The following DNAH14 variants were observed in gnomAD, a reference collection of about 807,000 sequenced individuals.
The protein encoded by DNAH14 is dynein axonemal heavy chain 14.
In DNAH14, 478 loss-of-function variants were observed where a neutral mutation model predicts 520.9. The observed-to-expected ratio is 0.92, with a 90% CI of 0.85 to 0.99. The LOEUF is 0.99. Among genes scored for constraint, DNAH14 ranks in the 50% least tolerant of loss-of-function variants. The pLI, the probability that DNAH14 is intolerant of heterozygous loss-of-function variation, is 0.00. For synonymous variants in DNAH14, 1,581 were observed against 1,757.2 expected (o/e 0.90, Z 2.51); for missense variants, 4,831 against 5,234.5 (o/e 0.92, Z 2.38).
At chr1:225,138,404 G>A (rs1032560924) in intron 27 of DNAH14, among the ~76,000 whole-genome samples, 1 of 152,214 alleles carries the variant, frequency 6.6e-6, no homozygotes, top group Non-Finnish European at 1.5e-5. Context: ...GGGATTCCAA[G>A]CCAGTGGGTC....
chr1:225,355,729 T>C (rs977520579), intron 73 of DNAH14, among the ~76,000 whole-genome samples: 3 of 152,214 alleles, frequency 2.0e-5, no homozygotes, highest in African/African-American at 7.2e-5. Context: ...TGATAAAATA[T>C]AGATACATTA....
intron 27 of DNAH14, among the ~76,000 whole-genome samples, chr1:225,138,432 A>G (rs1448249241): frequency 2.0e-5 from 3 of 152,228 alleles, no homozygotes; most frequent in Non-Finnish European, 4.4e-5. Flanking sequence ...GTGAGGTGCC[A>G]TGGAAGTGAG....
chr1:225,292,449 T>C (rs2093914395), intron 55 of DNAH14, among the ~76,000 whole-genome samples: 1 of 152,140 alleles, frequency 6.6e-6, no homozygotes, highest in African/African-American at 2.4e-5. Context: ...TTCTATTCCA[T>C]TGGTCTATGT....
chr1:225,143,176 AG>A (rs1297371016), intron 28 of DNAH14, among the ~76,000 whole-genome samples: 2 of 152,096 alleles, frequency 1.3e-5, no homozygotes, highest in African/African-American at 4.8e-5. Context: ...CTGTGTTCTA[AG>A]GGAACACTAA....
At chr1:225,355,972 T>C (rs2095424536) in intron 73 of DNAH14, among the ~76,000 whole-genome samples, 1 of 152,188 alleles carries the variant, frequency 6.6e-6, no homozygotes, top group Admixed American at 6.5e-5. Flanking sequence ...ATGTCTGGCT[T>C]ATTTCACATA....
In DNAH14 at chr1:224,960,223, G is replaced by T. The variant is rs2060758885; in HGVS notation, c.288G>T (p.Gly96=). 1.2e-6 allele frequency: 2 copies of T among 1,611,508 alleles called. No homozygotes were observed. ...AGCCAGCTTCCCTTAAGGAGAAAGG[G>T]AAGTCAAGGAGAAAAAAGGATCAAA... The part of the protein sequence containing the change: ...SPEPASLKEK[G]KSRRKKDQTH... The change falls in exon 4 of 86, where the codon GGG becomes GGT. Residue 96 remains glycine (G), a synonymous_variant. Coordinates refer to ENST00000682510, the MANE Select transcript of DNAH14 (RefSeq NM_001367479.1).
intron 44 of DNAH14, among the ~76,000 whole-genome samples, chr1:225,252,935 G>C (rs2092609228): frequency 6.6e-6 from 1 of 152,126 alleles, no homozygotes; most frequent in Non-Finnish European, 1.5e-5. Context: ...GTAGAAATTT[G>C]AGGCAGAGGC....
intron 3 of DNAH14, among the ~76,000 whole-genome samples, chr1:224,957,964 A>G (rs1239308775): frequency 6.6e-6 from 1 of 152,124 alleles, no homozygotes; most frequent in Non-Finnish European, 1.5e-5. Context: ...GGAGTAGTTA[A>G]TAGTGTAGGC....
intron 36 of DNAH14, among the ~76,000 whole-genome samples, chr1:225,178,193 A>G (rs1291999524): frequency 5.3e-5 from 8 of 152,168 alleles, no homozygotes; most frequent in African/African-American, 9.7e-5. Flanking sequence ...CAATGTCTCC[A>G]TTTGGAATGG....
intron 43 of DNAH14, among the ~76,000 whole-genome samples, chr1:225,245,065 T>G (rs1411961861): frequency 6.6e-6 from 1 of 152,190 alleles, no homozygotes; most frequent in Non-Finnish European, 1.5e-5. Flanking sequence ...TCTCATTGGT[T>G]TCAAAAAATT....
chr1:224,991,251 T>C (rs3128677), intron 8 of DNAH14, among the ~76,000 whole-genome samples: 141,094 of 150,064 alleles, frequency 0.94, 66,439 homozygotes, highest in East Asian at 1. Flanking sequence ...TGTGCCACCA[T>C]GCCCAGCTAA....
chr1:225,170,883 A>G (rs1292417786), intron 36 of DNAH14, among the ~76,000 whole-genome samples: 2 of 152,210 alleles, frequency 1.3e-5, no homozygotes, highest in Non-Finnish European at 2.9e-5. Flanking sequence ...AGCAGTCCTC[A>G]GCAAATGTAA....
chr1:225,157,283 AG>A (rs760839891), intron 34 of DNAH14, among the ~76,000 whole-genome samples: 8 of 152,188 alleles, frequency 5.3e-5, no homozygotes, highest in Non-Finnish European at 1.2e-4. Flanking sequence ...TACACTTAAA[AG>A]ATTTATAGTC....
chr1:225,130,443 A>C (rs1315882060), intron 27 of DNAH14, among the ~76,000 whole-genome samples: 1 of 152,006 alleles, frequency 6.6e-6, no homozygotes, highest in African/African-American at 2.4e-5. Flanking sequence ...TGATAGACCG[A>C]ATTAAGAAAA....
rs552956970 is a variant in DNAH14 at position 225,021,127 on chromosome 1, T to C, written c.1108-2488T>C. Reference sequence around the variant, plus strand: ...TGCATGTTAAAAACTCTCAACAAGCTGGGCATTGAAGCCACATACCTCAAA... The same window carrying C: ...TGCATGTTAAAAACTCTCAACAAGCCGGGCATTGAAGCCACATACCTCAAA... On this transcript the variant is annotated intron_variant, in intron 10 of 85. Transcript: ENST00000682510. 2.0e-5 allele frequency among the ~76,000 whole-genome samples: 3 copies of C among 152,330 alleles called. No homozygotes were observed. The South Asian group carries it at 6.2e-4, about 32-fold the overall frequency.
At chr1:225,012,331 A>T (rs962349685) in intron 10 of DNAH14, among the ~76,000 whole-genome samples, 1 of 152,098 alleles carries the variant, frequency 6.6e-6, no homozygotes, top group African/African-American at 2.4e-5. Flanking sequence ...TGTTAGTCTG[A>T]TGGGCTTCCC....
rs763446951 is a variant in DNAH14 at position 225,007,515 on chromosome 1, A to G, written c.1078A>G (p.Ile360Val). The part of the protein sequence containing the change: ...KQLEDIRNKA[I>V]SEMKSTFLKV... ...ACTTGAGGACATCAGGAATAAAGCA[A>G]TTTCAGAGATGAAAAGTACTTTTCT... The change falls in exon 10 of 86, where the codon ATT (isoleucine) becomes GTT (valine). Residue 360 changes from isoleucine to valine, a missense_variant. Physicochemically the swap from Ile to Val is conservative, Grantham distance 29. Coordinates refer to ENST00000682510, the MANE Select transcript of DNAH14 (RefSeq NM_001367479.1). 2.1e-5 allele frequency: 32 copies of G among 1,536,078 alleles called. No homozygotes were observed. Among genetic ancestry groups the G allele is most frequent in the East Asian group, 5.0e-5 (2 of 40,142 alleles).
At position 225,388,235 on chromosome 1, in the gene DNAH14, T is replaced by C. The variant is rs776588878; in HGVS notation, c.13078-144T>C. 9.4e-5 allele frequency: 49 copies of C among 519,242 alleles called. No homozygotes were observed. In the South Asian group the frequency reaches 9.4e-4, roughly 10 times the overall value. 32.2% of individuals were successfully genotyped at this position (519,242 alleles called of 1,614,324 possible). A position where few individuals can be genotyped will look rare whatever the true frequency, so the allele number is the denominator to read the frequency against. On this transcript the variant is annotated intron_variant, in intron 81 of 85. Transcript: ENST00000682510. Reference sequence around the variant, plus strand: ...GTAATAAGGTTTAGACTTTTCATTATATGCTTTCAGTTGGAAAAGGACATC... The same window carrying C: ...GTAATAAGGTTTAGACTTTTCATTACATGCTTTCAGTTGGAAAAGGACATC...
At chr1:225,118,072 G>A in intron 25 of DNAH14, 73 bp downstream of exon 25, 1 of 1,183,408 alleles carries the variant, frequency 8.5e-7, no homozygotes, top group Non-Finnish European at 1.2e-6. Context: ...TGAAATTTTT[G>A]ATATATTATA....
Sources: allele counts gnomAD v4.1 joint callset (sites outside exome capture counted in the v4.1 genomes callset), GRCh38; gene constraint gnomAD v4.1.1; transcripts MANE v1.5; gene names NCBI Gene and HGNC (gene_info 2026-07-23, HGNC 2026-07-21).